Variants in RIMS2 observed in about 807,000 individuals in gnomAD.
RIMS2 encodes the protein regulating synaptic membrane exocytosis 2, also known as regulating synaptic membrane exocytosis protein 2.
RIMS2 carries 59 observed loss-of-function variants against 174.4 expected under a neutral mutation model. The ratio of observed to expected loss-of-function variants is 0.34; its 90% CI spans 0.27 to 0.42. RIMS2 has a LOEUF of 0.42. RIMS2 is among the 10% of genes least tolerant of loss of function. The probability of loss-of-function intolerance (pLI) is 1.00; values close to 1 mark genes in which losing one functional copy is unlikely to be tolerated. For synonymous variants in RIMS2, 606 were observed against 572.5 expected (o/e 1.06, Z -0.84); for missense variants, 1,620 against 1,666.3 (o/e 0.97, Z 0.48).
chr8:103,618,201 T>C (rs1402404761), intron 1 of RIMS2, among the ~76,000 whole-genome samples: 1 of 152,106 alleles, frequency 6.6e-6, no homozygotes, highest in Admixed American at 6.6e-5. Flanking sequence ...TGGATGGAGC[T>C]GGAGGCTAAG....
chr8:103,666,291 T>G (rs1312217989), intron 1 of RIMS2, among the ~76,000 whole-genome samples: 1 of 152,188 alleles, frequency 6.6e-6, no homozygotes, highest in Non-Finnish European at 1.5e-5. Flanking sequence ...TGTTTATACA[T>G]CTAGTTAGAT....
intron 19 of RIMS2, among the ~76,000 whole-genome samples, chr8:104,092,992 A>G (rs984211653): frequency 1.3e-5 from 2 of 152,010 alleles, no homozygotes; most frequent in Non-Finnish European, 2.9e-5. Flanking sequence ...AAATCCAGCA[A>G]CCACTCTGAA....
rs976039440 is a variant in RIMS2, at chr8:103,531,294, T to A, written c.176+30232T>A. ...GGCAGTTCTCAAAAAAATCAGAAGATTGAAATATACAGACTGCATTCTCTG... is the reference window on the plus strand; with the variant it reads ...GGCAGTTCTCAAAAAAATCAGAAGAATGAAATATACAGACTGCATTCTCTG... On this transcript the variant is annotated intron_variant, in intron 1 of 23. Coordinates refer to ENST00000504942, the Ensembl canonical transcript of RIMS2. 7.9e-5 allele frequency among the ~76,000 whole-genome samples: 12 copies of A among 151,954 alleles called. 1 individual carries two copies. Among genetic ancestry groups the A allele is most frequent in the African/African-American group, 2.9e-4 (12 of 41,374 alleles).
intron 1 of RIMS2, among the ~76,000 whole-genome samples, chr8:103,501,981 G>C (rs1419083066): frequency 6.6e-6 from 1 of 152,134 alleles, no homozygotes; most frequent in East Asian, 1.9e-4. Context: ...AAAGAGATTT[G>C]TTTCTACAAG....
chr8:103,680,500 T>C (rs2096866955), intron 1 of RIMS2, among the ~76,000 whole-genome samples: 2 of 152,038 alleles, frequency 1.3e-5, no homozygotes, highest in East Asian at 1.9e-4. Context: ...TTTTGTTTTA[T>C]ATAGCCAGCC....
chr8:103,753,435 T>A (rs559663900), intron 2 of RIMS2, among the ~76,000 whole-genome samples: 25 of 152,320 alleles, frequency 1.6e-4, no homozygotes, highest in Non-Finnish European at 2.8e-4. Context: ...GGTATCAGGA[T>A]GATGCTGGCC....
intron 19 of RIMS2, among the ~76,000 whole-genome samples, chr8:104,036,791 C>T (rs986040513): frequency 6.6e-6 from 1 of 151,856 alleles, no homozygotes; most frequent in African/African-American, 2.4e-5. Context: ...GCAGGAGAAT[C>T]GCTTGAACCC....
chr8:103,741,289 T>C (rs2139346979), intron 2 of RIMS2, among the ~76,000 whole-genome samples: 1 of 152,194 alleles, frequency 6.6e-6, no homozygotes, highest in South Asian at 2.1e-4. Flanking sequence ...TCTATTTCCT[T>C]CGTTTTTATA....
intron 3 of RIMS2, among the ~76,000 whole-genome samples, chr8:103,851,392 GA>G (rs1267009682): frequency 4.0e-5 from 6 of 149,986 alleles, no homozygotes; most frequent in Admixed American, 1.3e-4. Flanking sequence ...AATAAAACAT[GA>G]AAAAAATCTG....
chr8:103,693,641 T>C lies in RIMS2; in HGVS notation c.177-3445T>C, dbSNP rs191121321. Among the ~76,000 whole-genome samples the C allele has an allele frequency of 2.7e-3, 406 of 152,320 alleles. 1 individual carries two copies. The highest frequency in any genetic ancestry group is 8.3e-3 in the African/African-American group (343 of 41,572). On this transcript the variant is annotated intron_variant, in intron 1 of 23. Transcript: ENST00000504942. ...CACCAGTCAGCCCATGTGGTGATTC[T>C]GGGCAAGCTGTTTGCATGGTTGGTA...
chr8:104,154,799 C>A (rs1027004585), intron 19 of RIMS2, among the ~76,000 whole-genome samples: 1 of 152,168 alleles, frequency 6.6e-6, no homozygotes, highest in African/African-American at 2.4e-5. Flanking sequence ...CAACTGTAAT[C>A]ATTTACTCAT....
intron 20 of RIMS2, among the ~76,000 whole-genome samples, chr8:104,248,141 A>C (rs527909631): frequency 6.6e-6 from 1 of 152,322 alleles, no homozygotes; most frequent in African/African-American, 2.4e-5. Context: ...TTAGACTTTC[A>C]AGAGAGAATG....
intron 19 of RIMS2, among the ~76,000 whole-genome samples, chr8:104,230,976 T>C (rs1012490020): frequency 9.9e-5 from 15 of 152,222 alleles, no homozygotes; most frequent in Non-Finnish European, 1.5e-4. Flanking sequence ...AATAAAAACT[T>C]TCAAACATTA....
chr8:103,729,638 G>A (rs1422456476), intron 2 of RIMS2, among the ~76,000 whole-genome samples: 2 of 148,896 alleles, frequency 1.3e-5, no homozygotes, highest in Non-Finnish European at 3.0e-5. Flanking sequence ...AAGATGCACT[G>A]TTAGTTTATT....
intron 1 of RIMS2, among the ~76,000 whole-genome samples, chr8:103,533,543 C>T (rs886505183): frequency 1.3e-5 from 2 of 150,416 alleles, no homozygotes; most frequent in African/African-American, 4.9e-5. Flanking sequence ...GTGTTAAAAA[C>T]TGATAAAACA....
At chr8:103,671,855 G>A (rs1305513284) in intron 1 of RIMS2, among the ~76,000 whole-genome samples, 2 of 151,878 alleles carry the variant, frequency 1.3e-5, no homozygotes, top group Non-Finnish European at 2.9e-5. Flanking sequence ...ACTCAAAGAG[G>A]GTAAAACATT....
At chr8:103,576,865 T>A (rs1363739096) in intron 1 of RIMS2, among the ~76,000 whole-genome samples, 1 of 152,176 alleles carries the variant, frequency 6.6e-6, no homozygotes, top group Non-Finnish European at 1.5e-5. Context: ...GAAAACCGAC[T>A]AGCCATATTC....
At chr8:103,511,125 A>G (rs1036597784) in intron 1 of RIMS2, among the ~76,000 whole-genome samples, 81 of 152,146 alleles carry the variant, frequency 5.3e-4, no homozygotes, top group African/African-American at 1.8e-3. Context: ...TTTATTTAAC[A>G]GTTTCCTCCA....
chr8:103,724,569 T>C (rs1219964264), intron 2 of RIMS2, among the ~76,000 whole-genome samples: 1 of 152,180 alleles, frequency 6.6e-6, no homozygotes, highest in Admixed American at 6.5e-5. Flanking sequence ...ATTACAAAAA[T>C]AAATTCTCCA....
Sources: gnomAD v4.1 joint callset for allele counts (sites outside exome capture counted in the v4.1 genomes callset) on GRCh38, gnomAD v4.1.1 for gene constraint, MANE v1.5 for transcripts, NCBI Gene and HGNC (gene_info 2026-07-23, HGNC 2026-07-21) for gene names.